CADM2: variants seen among roughly 807,000 people sequenced by gnomAD.
The protein encoded by CADM2 is cell adhesion molecule 2.
In CADM2, 12 loss-of-function variants were observed where a neutral mutation model predicts 49.8. That is an observed-to-expected ratio of 0.24 (90% CI 0.15 to 0.39). The LOEUF is 0.39. Ranked by LOEUF, CADM2 falls within the 10% of genes least tolerant of loss-of-function variation. The pLI is 1.00. For synonymous variants in CADM2, 214 were observed against 175.4 expected (o/e 1.22, Z -1.74); for missense variants, 378 against 492.3 (o/e 0.77, Z 2.20).
intron 1 of CADM2, among the ~76,000 whole-genome samples, chr3:85,015,849 C>T (rs552536333): frequency 6.6e-6 from 1 of 152,142 alleles, no homozygotes; most frequent in Admixed American, 6.5e-5. Flanking sequence ...AGGTGGAGGG[C>T]ATGAAACTAG....
intron 8 of CADM2, among the ~76,000 whole-genome samples, chr3:86,030,854 C>T (rs1734479558): frequency 1.3e-5 from 2 of 151,766 alleles, no homozygotes; most frequent in Non-Finnish European, 2.9e-5. Context: ...TAAAACTACT[C>T]TTTATAAATT....
At chr3:85,488,901 G>C (rs1304520342) in intron 1 of CADM2, among the ~76,000 whole-genome samples, 1 of 152,178 alleles carries the variant, frequency 6.6e-6, no homozygotes, top group African/African-American at 2.4e-5. Context: ...ATACATGTAA[G>C]CTGTAGTAAA....
chr3:86,066,833 A>G lies in CADM2; in HGVS notation c.*50A>G. Reference sequence around the variant, plus strand: ...TACTACCAGGCTGAATGCTGGAGAAAACTGGCTATCATCTTTCAGAAGTCA... The same window carrying G: ...TACTACCAGGCTGAATGCTGGAGAAGACTGGCTATCATCTTTCAGAAGTCA... On this transcript the variant is annotated 3_prime_UTR_variant, in exon 10 of 10. Coordinates refer to ENST00000383699, the MANE Select transcript of CADM2 (RefSeq NM_001167675.2). 7.9e-7 allele frequency: 1 copy of G among 1,260,540 alleles called. No homozygotes were observed. The highest frequency in any genetic ancestry group is 1.2e-6 in the Non-Finnish European group (1 of 859,962). 78.1% of individuals were successfully genotyped at this position (1,260,540 alleles called of 1,614,324 possible). A position where few individuals can be genotyped will look rare whatever the true frequency, so the allele number is the denominator to read the frequency against.
At position 85,189,093 on chromosome 3, in the gene CADM2, C is replaced by T. The variant is rs139922190; in HGVS notation, c.61+229425C>T. On this transcript the variant is annotated intron_variant, in intron 1 of 9. Transcript: ENST00000383699. ...AATAAATAAATAAATAAATAAATAG[C>T]GAGCAAATAGACGAAGGTTCTGAAG... Among the ~76,000 whole-genome samples, 571 of 131,488 alleles carry T rather than the reference C, an allele frequency of 4.3e-3. 4 individuals carry two copies. Among genetic ancestry groups the T allele is most frequent in the Admixed American group, 0.012 (148 of 12,260 alleles). The allele number at this position is 131,488 out of a possible 152,430, so 86.3% of individuals were successfully genotyped here. A position where few individuals can be genotyped will look rare whatever the true frequency, so the allele number is the denominator to read the frequency against.
chr3:85,226,737 T>A lies in CADM2; in HGVS notation c.61+267069T>A, dbSNP rs184604627. Among the ~76,000 whole-genome samples, 26 of 152,334 alleles carry A rather than the reference T, an allele frequency of 1.7e-4. 1 individual carries two copies. In the East Asian group the frequency reaches 4.4e-3, roughly 26 times the overall value. On this transcript the variant is annotated intron_variant, in intron 1 of 9. Coordinates refer to ENST00000383699, the MANE Select transcript of CADM2 (RefSeq NM_001167675.2). ...TTGATGTTAGATTGTCAGTTTTAGA[T>A]CTTTCCTGCTTTATCTTGTGGGCAT...
At chr3:85,486,344 T>G (rs538759346) in intron 1 of CADM2, among the ~76,000 whole-genome samples, 1 of 152,274 alleles carries the variant, frequency 6.6e-6, no homozygotes, top group African/African-American at 2.4e-5. Context: ...ATAATGGGAA[T>G]ACATTACAAA....
chr3:85,855,082 G>A (rs192457304), intron 3 of CADM2, among the ~76,000 whole-genome samples: 2 of 151,896 alleles, frequency 1.3e-5, no homozygotes, highest in Non-Finnish European at 2.9e-5. Context: ...TGATTTTCAG[G>A]CTCCTCTTCC....
At chr3:85,964,114 T>G (rs4234702) in intron 8 of CADM2, among the ~76,000 whole-genome samples, 105,192 of 151,672 alleles carry the variant, frequency 0.69, 38,016 homozygotes, top group African/African-American at 0.91. Flanking sequence ...ACTCTCTTCT[T>G]TTAATGGTTT....
intron 1 of CADM2, among the ~76,000 whole-genome samples, chr3:85,439,143 G>A (rs1209861801): frequency 1.4e-5 from 2 of 146,204 alleles, no homozygotes; most frequent in Non-Finnish European, 3.0e-5. Flanking sequence ...ACTTAATAAT[G>A]ACTTATAATG....
At chr3:85,985,962 C>T (rs554436403) in intron 8 of CADM2, among the ~76,000 whole-genome samples, 1 of 151,982 alleles carries the variant, frequency 6.6e-6, no homozygotes, top group African/African-American at 2.4e-5. Flanking sequence ...CATTTATATT[C>T]AGATTCTCTT....
In CADM2 at chr3:85,224,216, G is replaced by T. The variant is rs181850691; in HGVS notation, c.61+264548G>T. On this transcript the variant is annotated intron_variant, in intron 1 of 9. Coordinates refer to ENST00000383699, the MANE Select transcript of CADM2 (RefSeq NM_001167675.2). ...AATGGTGGAACTAATTTACATGCCC[G>T]CCAACAATGTAAAAGCATTGCTATT... 7.8e-4 allele frequency among the ~76,000 whole-genome samples: 118 copies of T among 152,166 alleles called. 4 individuals are homozygous for T. In the Middle Eastern group the frequency reaches 0.031, roughly 39 times the overall value.
chr3:85,119,709 C>T (rs114121445), intron 1 of CADM2, among the ~76,000 whole-genome samples: 4,578 of 152,178 alleles, frequency 0.03, 97 homozygotes, highest in South Asian at 0.044. Context: ...TTGAAGAGGT[C>T]CATCACTTCT....
At chr3:86,047,261 G>A (rs1303472942) in intron 8 of CADM2, among the ~76,000 whole-genome samples, 1 of 152,086 alleles carries the variant, frequency 6.6e-6, no homozygotes, top group Non-Finnish European at 1.5e-5. Context: ...TTTAAGTCAA[G>A]TAATCCCAAA....
intron 2 of CADM2, among the ~76,000 whole-genome samples, chr3:85,763,625 T>G (rs1329800953): frequency 6.6e-6 from 1 of 152,180 alleles, no homozygotes; most frequent in African/African-American, 2.4e-5. Context: ...TTTTGACCAC[T>G]GCACAACTCC....
chr3:85,519,340 G>A (rs1300605475), intron 1 of CADM2, among the ~76,000 whole-genome samples: 2 of 152,026 alleles, frequency 1.3e-5, no homozygotes, highest in African/African-American at 4.8e-5. Context: ...TCGAAGTCAT[G>A]CTTAGTTTTT....
At chr3:85,186,038 G>A (rs1229524592) in intron 1 of CADM2, among the ~76,000 whole-genome samples, 1 of 152,198 alleles carries the variant, frequency 6.6e-6, no homozygotes, top group African/African-American at 2.4e-5. Context: ...GCAGGCCTCA[G>A]CACGGAACTT....
chr3:86,036,073 T>A (rs1735117036), intron 8 of CADM2, among the ~76,000 whole-genome samples: 1 of 152,108 alleles, frequency 6.6e-6, no homozygotes, highest in African/African-American at 2.4e-5. Context: ...AATCTCACCT[T>A]CCAATACCAT....
intron 3 of CADM2, among the ~76,000 whole-genome samples, chr3:85,874,213 A>C (rs899065579): frequency 6.6e-6 from 1 of 152,098 alleles, no homozygotes; most frequent in Non-Finnish European, 1.5e-5. Flanking sequence ...ATTTAATCCA[A>C]ATTTCAGGCT....
At chr3:85,350,159 G>A (rs1432843178) in intron 1 of CADM2, among the ~76,000 whole-genome samples, 1 of 152,140 alleles carries the variant, frequency 6.6e-6, no homozygotes, top group Non-Finnish European at 1.5e-5. Flanking sequence ...TTAGTTCTTA[G>A]TGTCTATACT....
Sources: gnomAD v4.1 joint callset for allele counts (sites outside exome capture counted in the v4.1 genomes callset) on GRCh38, gnomAD v4.1.1 for gene constraint, MANE v1.5 for transcripts, NCBI Gene and HGNC (gene_info 2026-07-23, HGNC 2026-07-21) for gene names.